ACBD6: variants seen among roughly 807,000 people sequenced by gnomAD.
The protein encoded by ACBD6 is acyl-CoA-binding domain-containing protein 6.
ACBD6 carries 28 observed loss-of-function variants against 37.2 expected under a neutral mutation model. That is an observed-to-expected ratio of 0.75 (90% CI 0.56 to 1.03). The LOEUF (loss-of-function observed/expected upper bound fraction) is 1.03, where lower values mean the gene tolerates loss of function less well. Among genes scored for constraint, ACBD6 ranks in the 50% least tolerant of loss-of-function variants. ACBD6 has a pLI of 0.00. For synonymous variants in ACBD6, 113 were observed against 126.8 expected (o/e 0.89, Z 0.73); for missense variants, 340 against 337.4 (o/e 1.01, Z -0.06).
chr1:180,479,673 A>C (rs894641391), intron 3 of ACBD6, among the ~76,000 whole-genome samples: 3 of 152,158 alleles, frequency 2.0e-5, no homozygotes, highest in Non-Finnish European at 4.4e-5. Flanking sequence ...CATGTAACAA[A>C]ATTTCACAGG....
intron 3 of ACBD6, among the ~76,000 whole-genome samples, chr1:180,433,252 A>C (rs1255969407): frequency 1.3e-5 from 2 of 152,220 alleles, no homozygotes; most frequent in Non-Finnish European, 2.9e-5. Context: ...AAAATCAATC[A>C]TATAACACAG....
intron 3 of ACBD6, among the ~76,000 whole-genome samples, chr1:180,458,277 G>A (rs1231620038): frequency 2.6e-5 from 4 of 151,982 alleles, no homozygotes; most frequent in Non-Finnish European, 5.9e-5. Context: ...CATATTATGG[G>A]GCATAATTTA....
intron 6 of ACBD6, among the ~76,000 whole-genome samples, chr1:180,367,594 A>T (rs1653098139): frequency 6.6e-6 from 1 of 151,852 alleles, no homozygotes. Context: ...CCTTGTGTTC[A>T]TGAATTCTCA....
At chr1:180,280,297 T>C (rs1267295754) in intron 9 of ACBD6, among the ~76,000 whole-genome samples, 1 of 152,154 alleles carries the variant, frequency 6.6e-6, no homozygotes, top group South Asian at 2.1e-4. Flanking sequence ...TGCCACCTTA[T>C]TGTGTGTGTG....
chr1:180,448,328 C>T (rs1357086188), intron 3 of ACBD6, among the ~76,000 whole-genome samples: 1 of 152,106 alleles, frequency 6.6e-6, no homozygotes, highest in African/African-American at 2.4e-5. Context: ...GATTCAACAA[C>T]AATCTTTTTT....
chr1:180,338,139 CA>C (rs1651820471), intron 6 of ACBD6, among the ~76,000 whole-genome samples: 1 of 152,186 alleles, frequency 6.6e-6, no homozygotes, highest in Non-Finnish European at 1.5e-5. Flanking sequence ...CCATCCCCAT[CA>C]AGCTACCAAT....
At chr1:180,405,242 T>C (rs144113736) in intron 5 of ACBD6, among the ~76,000 whole-genome samples, 3 of 150,302 alleles carry the variant, frequency 2.0e-5, no homozygotes, top group African/African-American at 7.4e-5. Flanking sequence ...CACCAGAGTT[T>C]GCAGCAGTTT....
chr1:180,373,347 C>A lies in ACBD6; in HGVS notation c.663+24169G>T, dbSNP rs74132480. 6.7e-3 allele frequency among the ~76,000 whole-genome samples: 1,014 copies of A among 152,218 alleles called. 17 individuals are homozygous for A. The highest frequency in any genetic ancestry group is 0.023 in the African/African-American group (968 of 41,542). ...TTCAGAGTTTCATTAGAGAGTAACT[C>A]ATCAAAGCAGTCATTTGCAAAAATG... On this transcript the variant is annotated intron_variant, in intron 6 of 7. Transcript: ENST00000367595.
intron 3 of ACBD6, among the ~76,000 whole-genome samples, chr1:180,433,607 T>A (rs1482839732): frequency 1.4e-5 from 1 of 71,406 alleles, no homozygotes; most frequent in Non-Finnish European, 3.4e-5. Flanking sequence ...TGTGTGTGTG[T>A]GTGTGTGTGT....
At chr1:180,271,795 T>C in exon 14 of ACBD6, 1 of 1,610,770 alleles carries the variant, frequency 6.2e-7, no homozygotes, top group Non-Finnish European at 8.5e-7. Context: ...GGGTTTGTGG[T>C]GGACGCCCCC....
chr1:180,312,032 TG>T (rs1255559984), intron 7 of ACBD6, among the ~76,000 whole-genome samples: 1 of 152,218 alleles, frequency 6.6e-6, no homozygotes, highest in African/African-American at 2.4e-5. Context: ...CCTTCTTTCT[TG>T]TTTTTCTTCA....
rs1648950831 is a variant in ACBD6 at position 180,434,707 on chromosome 1, A to G, written c.385-4445T>C. 11 of 473,318 alleles carry G rather than the reference A, an allele frequency of 2.3e-5. No individual in the cohort carries two copies. The East Asian group carries it at 4.5e-4, about 19-fold the overall frequency. The allele number at this position is 473,318 out of a possible 1,614,324, so 29.3% of individuals were successfully genotyped here. A position where few individuals can be genotyped will look rare whatever the true frequency, so the allele number is the denominator to read the frequency against. The stretch of plus-strand genomic sequence containing the variant: ...TCGAGTTGTCCTGTCTTTCCAAACC[A>G]AACCAATGTATTAATAAACTAGGAA... On this transcript the variant is annotated intron_variant, in intron 3 of 7. Transcript: ENST00000367595.
chr1:180,386,566 A>G (rs566129566), intron 6 of ACBD6, among the ~76,000 whole-genome samples: 60 of 152,232 alleles, frequency 3.9e-4, no homozygotes, highest in African/African-American at 1.4e-3. Flanking sequence ...AAAAAAAGTT[A>G]GATCTTTTAC....
intron 6 of ACBD6, among the ~76,000 whole-genome samples, chr1:180,334,681 G>A (rs956320935): frequency 2.6e-5 from 4 of 152,316 alleles, no homozygotes; most frequent in African/African-American, 9.6e-5. Flanking sequence ...GATGAGTTGA[G>A]AGAAGAAGGC....
intron 7 of ACBD6, among the ~76,000 whole-genome samples, chr1:180,289,194 T>C (rs1248240029): frequency 1.3e-5 from 2 of 152,146 alleles, no homozygotes; most frequent in African/African-American, 4.8e-5. Context: ...CAGAGGGTGA[T>C]CTATTCTTCT....
intron 6 of ACBD6, among the ~76,000 whole-genome samples, chr1:180,370,658 G>A (rs1328062689): frequency 6.6e-6 from 1 of 152,072 alleles, no homozygotes; most frequent in Non-Finnish European, 1.5e-5. Context: ...CAACAGTTCT[G>A]TATTATGGAA....
chr1:180,283,058 G>C (rs1287748612), intron 8 of ACBD6, among the ~76,000 whole-genome samples: 1 of 149,004 alleles, frequency 6.7e-6, no homozygotes. Context: ...TAAGCTTTGG[G>C]CTCCACAAAT....
At chr1:180,293,140 T>C (rs1351613715) in intron 7 of ACBD6, among the ~76,000 whole-genome samples, 1 of 152,182 alleles carries the variant, frequency 6.6e-6, no homozygotes, top group Non-Finnish European at 1.5e-5. Flanking sequence ...TATTAAACAT[T>C]TTTGCATCTA....
chr1:180,488,025 A>G (rs1651343096), intron 3 of ACBD6, among the ~76,000 whole-genome samples: 1 of 152,234 alleles, frequency 6.6e-6, no homozygotes, highest in Non-Finnish European at 1.5e-5. Flanking sequence ...TAGGAAAAAA[A>G]TCCTGAACCA....
Sources: allele counts gnomAD v4.1 joint callset (sites outside exome capture counted in the v4.1 genomes callset), GRCh38; gene constraint gnomAD v4.1.1; transcripts MANE v1.5; gene names NCBI Gene and HGNC (gene_info 2026-07-23, HGNC 2026-07-21).